The following EHBP1 variants were observed in gnomAD, a reference collection of about 807,000 sequenced individuals.
EHBP1 encodes the protein EH domain-binding protein 1.
EHBP1 carries 55 observed loss-of-function variants against 144.0 expected under a neutral mutation model. That is an observed-to-expected ratio of 0.38 (90% CI 0.31 to 0.48). The LOEUF (loss-of-function observed/expected upper bound fraction) is 0.48. EHBP1 is among the 20% of genes least tolerant of loss of function. The pLI, the probability that EHBP1 is intolerant of heterozygous loss-of-function variation, is 0.98. For missense variants in EHBP1, 1,200 were observed against 1,364.2 expected (o/e 0.88, Z 1.90); for synonymous variants, 469 against 472.7 (o/e 0.99, Z 0.10).
At chr2:63,028,492 A>C (rs1353938972) in intron 19 of EHBP1, among the ~76,000 whole-genome samples, 1 of 151,884 alleles carries the variant, frequency 6.6e-6, no homozygotes, top group Non-Finnish European at 1.5e-5. Flanking sequence ...CTGGCCTTGA[A>C]CTTCTAGGCT....
chr2:62,922,513 G>A lies in EHBP1; in HGVS notation c.1186-20205G>A, dbSNP rs186495149. Among the ~76,000 whole-genome samples the A allele has an allele frequency of 4.6e-5, 7 of 152,276 alleles. No homozygotes were observed. The East Asian group carries it at 5.8e-4, about 13-fold the overall frequency. On this transcript the variant is annotated intron_variant, in intron 10 of 22. Coordinates refer to ENST00000431489, the MANE Select transcript of EHBP1 (RefSeq NM_001142616.3). Reference sequence around the variant, plus strand: ...GAAAAGACAGAAAAGAATAATCCACGTAAATAGTAACCAGGATGCTTATAC... The same window carrying A: ...GAAAAGACAGAAAAGAATAATCCACATAAATAGTAACCAGGATGCTTATAC...
intron 10 of EHBP1, among the ~76,000 whole-genome samples, chr2:62,904,109 G>A (rs544258354): frequency 5.3e-5 from 8 of 152,304 alleles, no homozygotes; most frequent in South Asian, 2.1e-4. Context: ...GATATAGAGA[G>A]TAAATTACCA....
In EHBP1 at chr2:62,942,788, A is replaced by G. The variant is rs144285774; in HGVS notation, c.1256A>G (p.Lys419Arg). ...NASQSLLVWCKEVTKNYRGVK... is the reference protein window; with the variant it reads ...NASQSLLVWCREVTKNYRGVK... The stretch of plus-strand genomic sequence containing the variant: ...AGTCAGTCTTTGCTTGTATGGTGTA[A>G]AGAAGTTACAAAGAACTACCGAGGA... The change falls in exon 11 of 23, where the codon AAA becomes AGA. Residue 419 changes from lysine to arginine, a missense_variant. Transcript: ENST00000431489. 30 of 1,613,942 alleles carry G rather than the reference A, an allele frequency of 1.9e-5. No individual in the cohort carries two copies. The highest frequency in any genetic ancestry group is 2.3e-5 in the Non-Finnish European group (27 of 1,179,878).
chr2:62,953,560 A>G (rs916019340), intron 13 of EHBP1, among the ~76,000 whole-genome samples: 1 of 151,786 alleles, frequency 6.6e-6, no homozygotes, highest in African/African-American at 2.4e-5. Flanking sequence ...AAAAAGTAAA[A>G]TAATAAAATA....
chr2:62,841,352 AGG>A (rs2047840136), intron 7 of EHBP1, among the ~76,000 whole-genome samples: 1 of 69,980 alleles, frequency 1.4e-5, no homozygotes, highest in Non-Finnish European at 2.6e-5. Flanking sequence ...GGGTGGGGGG[AGG>A]GGGGAGGGAT....
intron 7 of EHBP1, among the ~76,000 whole-genome samples, chr2:62,842,586 AG>A (rs1421806991): frequency 6.6e-6 from 1 of 152,160 alleles, no homozygotes; most frequent in East Asian, 1.9e-4. Flanking sequence ...TAGTCTGAGA[AG>A]CCTTTGATGC....
chr2:62,828,008 T>C (rs553045794), intron 6 of EHBP1, among the ~76,000 whole-genome samples: 3 of 152,316 alleles, frequency 2.0e-5, no homozygotes, highest in African/African-American at 7.2e-5. Context: ...TGAAATTGTC[T>C]CCTGTTGATA....
At chr2:62,948,158 A>G (rs1021865909) in intron 12 of EHBP1, 102 bp from the exon 13 acceptor site, 168 of 1,054,648 alleles carry the variant, frequency 1.6e-4, no homozygotes, top group Non-Finnish European at 1.9e-4. Flanking sequence ...CATAATGTCG[A>G]TAACATGTAC....
chr2:62,809,754 T>A (rs2152526389), intron 5 of EHBP1, among the ~76,000 whole-genome samples: 1 of 152,336 alleles, frequency 6.6e-6, no homozygotes, highest in South Asian at 2.1e-4. Flanking sequence ...CATGCAGTAT[T>A]TGGTTTTTGT....
intron 10 of EHBP1, chr2:62,881,586 C>CT (rs1210054813): frequency 6.6e-6 from 1 of 152,086 alleles, no homozygotes; most frequent in African/African-American, 2.4e-5. Context: ...GACAAATGAA[C>CT]TGGCAAGATT....
intron 14 of EHBP1, among the ~76,000 whole-genome samples, chr2:62,967,561 AG>A (rs1374902063): frequency 1.3e-5 from 2 of 152,212 alleles, no homozygotes; most frequent in African/African-American, 2.4e-5. Context: ...GACATGGAAA[AG>A]GATGTGGTTT....
chr2:62,930,914 A>G (rs980400508), intron 10 of EHBP1, among the ~76,000 whole-genome samples: 6 of 152,232 alleles, frequency 3.9e-5, no homozygotes, highest in African/African-American at 1.4e-4. Context: ...GGCTAAGACC[A>G]TAAATCTCTT....
intron 4 of EHBP1, among the ~76,000 whole-genome samples, chr2:62,765,196 C>T (rs2041080547): frequency 6.6e-6 from 1 of 151,990 alleles, no homozygotes; most frequent in African/African-American, 2.4e-5. Context: ...TGTAGAGATA[C>T]CATTTTTAAG....
chr2:62,810,571 G>A (rs2044909712), intron 5 of EHBP1, among the ~76,000 whole-genome samples: 2 of 152,222 alleles, frequency 1.3e-5, no homozygotes, highest in African/African-American at 4.8e-5. Context: ...GCTATGTTGA[G>A]TTTGTAATGT....
intron 2 of EHBP1, among the ~76,000 whole-genome samples, chr2:62,740,227 C>G (rs1253616467): frequency 1.3e-5 from 2 of 151,826 alleles, no homozygotes; most frequent in Non-Finnish European, 2.9e-5. Context: ...AGTAAAAAAA[C>G]AAAGTATTTT....
At chr2:62,927,757 A>G (rs2055643541) in intron 10 of EHBP1, among the ~76,000 whole-genome samples, 1 of 152,196 alleles carries the variant, frequency 6.6e-6, no homozygotes, top group Non-Finnish European at 1.5e-5. Context: ...ACAGTATGTG[A>G]ACTAGATCTA....
At chr2:62,707,346 G>A (rs763112161) in intron 2 of EHBP1, 51 bp downstream of exon 2, 8 of 1,370,122 alleles carry the variant, frequency 5.8e-6, no homozygotes, top group East Asian at 4.6e-5. Flanking sequence ...TAAGCATACT[G>A]TGGCCTAAAC....
At chr2:62,690,428 G>T (rs528844024) in intron 1 of EHBP1, among the ~76,000 whole-genome samples, 2 of 151,992 alleles carry the variant, frequency 1.3e-5, no homozygotes, top group Admixed American at 6.5e-5. Context: ...TGGGTGTGGT[G>T]GTGGGCACCT....
intron 3 of EHBP1, among the ~76,000 whole-genome samples, chr2:62,758,256 G>A (rs1473748355): frequency 6.6e-6 from 1 of 151,938 alleles, no homozygotes; most frequent in Non-Finnish European, 1.5e-5. Context: ...TTACAGTCAT[G>A]CACCACCACA....
Sources: gnomAD v4.1 joint callset for allele counts (sites outside exome capture counted in the v4.1 genomes callset) on GRCh38, gnomAD v4.1.1 for gene constraint, MANE v1.5 for transcripts, NCBI Gene and HGNC (gene_info 2026-07-23, HGNC 2026-07-21) for gene names.